The following SMARCA2 variants were observed in gnomAD, a reference collection of about 807,000 sequenced individuals.
SMARCA2 encodes the protein SWI/SNF related BAF chromatin remodeling complex subunit ATPase 2, also known as SWI/SNF-related matrix-associated actin-dependent regulator of chromatin subfamily A member 2.
A neutral mutation model predicts 199.8 loss-of-function variants in SMARCA2; 61 were observed. The ratio of observed to expected loss-of-function variants is 0.31; its 90% CI spans 0.25 to 0.38. The LOEUF is 0.38. Among genes scored for constraint, SMARCA2 ranks in the 10% least tolerant of loss-of-function variants. SMARCA2 has a pLI of 1.00. For missense variants in SMARCA2, 1,344 were observed against 2,012.2 expected (o/e 0.67, Z 6.35); for synonymous variants, 935 against 732.0 (o/e 1.28, Z -4.48).
In SMARCA2 at chr9:2,169,770, A is replaced by G. The variant is rs1826141685; in HGVS notation, c.4200-649A>G. On this transcript the variant is annotated intron_variant, in intron 28 of 33. Coordinates refer to ENST00000349721, the MANE Select transcript of SMARCA2 (RefSeq NM_003070.5). The surrounding 1 kb of genome is among the most constrained non-coding windows in gnomAD (Gnocchi z 6.5). ...GGGACACCAACCTAGCAGTTTCAAAAATCCTCAACTGAAGAGGCTTTTCTA... is the reference window on the plus strand; with the variant it reads ...GGGACACCAACCTAGCAGTTTCAAAGATCCTCAACTGAAGAGGCTTTTCTA... Among the ~76,000 whole-genome samples the G allele has an allele frequency of 6.6e-6, 1 of 152,282 alleles. No homozygotes were observed. Among genetic ancestry groups the G allele is most frequent in the South Asian group, 2.1e-4 (1 of 4,826 alleles).
At position 2,177,700 on chromosome 9, in the gene SMARCA2, G is replaced by A. The variant is rs564143464; in HGVS notation, c.4254-3871G>A. Reference sequence around the variant, plus strand: ...CCCTAGTAGCCGGGATTACAGGCATGCGCCACCACACCCAGCTAATTTTGT... The same window carrying A: ...CCCTAGTAGCCGGGATTACAGGCATACGCCACCACACCCAGCTAATTTTGT... On this transcript the variant is annotated intron_variant, in intron 29 of 33. Coordinates refer to ENST00000349721, the MANE Select transcript of SMARCA2 (RefSeq NM_003070.5). Among the ~76,000 whole-genome samples the A allele has an allele frequency of 2.6e-5, 4 of 151,956 alleles. No individual in the cohort carries two copies. In the South Asian group the frequency reaches 6.2e-4, roughly 24 times the overall value.
rs281875207 is a variant in SMARCA2, at chr9:2,086,865, C to T, written c.2563C>T (p.Arg855Ter). The change falls in exon 18 of 34, where the codon CGA (arginine) becomes TGA (stop). Residue 855 changes from arginine (R) to a stop codon, truncating the protein, a stop_gained. Coordinates refer to ENST00000349721, the MANE Select transcript of SMARCA2 (RefSeq NM_003070.5). LOFTEE classifies it high-confidence loss of function. This position sits in a 1 kb window ranked among gnomAD's most constrained non-coding sequence, Gnocchi z 4.3. ...ATACATGATAGTGGACGAAGGCCAC[C>T]GAATGAAGAATCACCACTGCAAGCT... is the stretch of plus-strand genomic sequence containing the variant. ...WKYMIVDEGH[R>*]MKNHHCKLTQ... 1.2e-6 allele frequency: 2 copies of T among 1,614,036 alleles called. No individual in the cohort carries two copies. Among genetic ancestry groups the T allele is most frequent in the East Asian group, 2.2e-5 (1 of 44,868 alleles).
In SMARCA2 at chr9:2,192,944, A is replaced by G. The variant is rs139076728; in HGVS notation, c.*205A>G. ...ACACAAATATTTGTAACATATTGTG[A>G]CCAAATGGGCCTCAAAGATTCAGAT... On this transcript the variant is annotated 3_prime_UTR_variant, in exon 34 of 34. Transcript: ENST00000349721. The G allele has an allele frequency of 2.0e-4, 102 of 522,208 alleles. No homozygotes were observed. Among genetic ancestry groups the G allele is most frequent in the African/African-American group, 1.9e-3 (97 of 51,554 alleles). The allele number at this position is 522,208 out of a possible 1,614,324, so 32.3% of individuals were successfully genotyped here. A position where few individuals can be genotyped will look rare whatever the true frequency, so the allele number is the denominator to read the frequency against.
At chr9:2,113,535 C>T (rs1171899785) in intron 24 of SMARCA2, among the ~76,000 whole-genome samples, 2 of 152,206 alleles carry the variant, frequency 1.3e-5, no homozygotes, top group African/African-American at 4.8e-5. Flanking sequence ...TTCTTTGTCA[C>T]AATATTCCCC....
chr9:2,182,827 C>T (rs1042701768), intron 31 of SMARCA2, among the ~76,000 whole-genome samples: 1 of 143,066 alleles, frequency 7.0e-6, no homozygotes, highest in African/African-American at 2.6e-5. Flanking sequence ...GAGATGGAGT[C>T]TCGCCCAGGC....
intron 19 of SMARCA2, among the ~76,000 whole-genome samples, chr9:2,093,233 G>A (rs573282833): frequency 2.0e-5 from 3 of 152,134 alleles, no homozygotes; most frequent in African/African-American, 4.8e-5. Context: ...TTTAGGACGG[G>A]GTACCCAGTA....
rs765931751 is a variant in SMARCA2, at chr9:2,104,221, A to G, written c.3292+52A>G. On this transcript the variant is annotated intron_variant, in intron 23 of 33. Transcript: ENST00000349721. The surrounding 1 kb of genome is among the most constrained non-coding windows in gnomAD (Gnocchi z 4.0). The stretch of plus-strand genomic sequence containing the variant: ...AAGCCATACTACTGAAAATGAAGGG[A>G]TAATGGGCACTTAGGTCCAATCTCA... 1 of 1,510,150 alleles carries G rather than the reference A, an allele frequency of 6.6e-7. No individual in the cohort carries two copies. The highest frequency in any genetic ancestry group is 9.1e-7 in the Non-Finnish European group (1 of 1,096,460). 93.5% of individuals were successfully genotyped at this position (1,510,150 alleles called of 1,614,324 possible). A position where few individuals can be genotyped will look rare whatever the true frequency, so the allele number is the denominator to read the frequency against.
chr9:2,151,094 G>C (rs893813545), intron 27 of SMARCA2, among the ~76,000 whole-genome samples: 1 of 151,394 alleles, frequency 6.6e-6, no homozygotes, highest in Non-Finnish European at 1.5e-5. Context: ...CACAGACTTT[G>C]GGGCTAACTT....
chr9:2,049,713 T>A (rs901619334), intron 5 of SMARCA2, among the ~76,000 whole-genome samples: 1 of 152,196 alleles, frequency 6.6e-6, no homozygotes, highest in Non-Finnish European at 1.5e-5. Context: ...TCTGCCTATT[T>A]GAAGGTAAGT....
In SMARCA2 at chr9:2,119,349, T is replaced by C. The variant is rs888698310; in HGVS notation, c.3685-109T>C. ...AAATCCAGCAACCCCTTCCCTTTTC[T>C]TTCTGCCTTGAGAAATGGGACCCCT... is the stretch of plus-strand genomic sequence containing the variant. On this transcript the variant is annotated intron_variant, in intron 25 of 33. Transcript: ENST00000349721. This position sits in a 1 kb window ranked among gnomAD's most constrained non-coding sequence, Gnocchi z 4.6. The C allele has an allele frequency of 1.1e-5, 8 of 708,104 alleles. No individual in the cohort carries two copies. Among genetic ancestry groups the C allele is most frequent in the African/African-American group, 1.8e-5 (1 of 55,600 alleles). The allele number at this position is 708,104 out of a possible 1,614,324, so 43.9% of individuals were successfully genotyped here. A position where few individuals can be genotyped will look rare whatever the true frequency, so the allele number is the denominator to read the frequency against.
intron 29 of SMARCA2, among the ~76,000 whole-genome samples, chr9:2,179,751 A>G (rs530220950): frequency 6.6e-6 from 1 of 152,324 alleles, no homozygotes; most frequent in East Asian, 1.9e-4. Flanking sequence ...ACATGACACC[A>G]TCTGTTGGCA....
intron 27 of SMARCA2, chr9:2,159,301 G>T: frequency 3.1e-6 from 1 of 326,928 alleles, no homozygotes; most frequent in Non-Finnish European, 5.6e-6. Context: ...CAGTTGTTCT[G>T]AATTTTCTTT....
At chr9:2,157,093 C>G (rs552922941) in intron 27 of SMARCA2, among the ~76,000 whole-genome samples, 2 of 152,250 alleles carry the variant, frequency 1.3e-5, no homozygotes, top group South Asian at 2.1e-4. Context: ...TGCATTAAAC[C>G]GATTAAAATA....
At chr9:2,031,961 T>C (rs1486802901) in intron 2 of SMARCA2, among the ~76,000 whole-genome samples, 4 of 152,206 alleles carry the variant, frequency 2.6e-5, no homozygotes, top group Admixed American at 6.5e-5. Flanking sequence ...TCCTCTCTAT[T>C]ATTACTATTT....
chr9:2,056,697 T>C lies in SMARCA2; in HGVS notation c.1199T>C (p.Met400Thr). 1 of 1,613,994 alleles carries C rather than the reference T, an allele frequency of 6.2e-7. No homozygotes were observed. The highest frequency in any genetic ancestry group is 8.5e-7 in the Non-Finnish European group (1 of 1,179,960). ...CTGAGACAGGAGGTGGTGGCCTGCA[T>C]GCGCAGGGACACGACCCTGGAGACG... The part of the protein sequence containing the change: ...RQLRQEVVAC[M>T]RRDTTLETAL... The change falls in exon 7 of 34, where the codon ATG becomes ACG. Residue 400 changes from methionine to threonine, a missense_variant. Around this residue, in one of 18 missense-constraint regions of SMARCA2, gnomAD observed 155 missense variants for 260.0 expected, o/e 0.60. Transcript: ENST00000349721. The surrounding 1 kb of genome is among the most constrained non-coding windows in gnomAD (Gnocchi z 4.0).
chr9:2,084,995 A>G (rs1821740197), intron 17 of SMARCA2, among the ~76,000 whole-genome samples: 1 of 152,142 alleles, frequency 6.6e-6, no homozygotes, highest in East Asian at 1.9e-4. Flanking sequence ...TTTTGAAAGC[A>G]CTATAATCTG....
intron 3 of SMARCA2, among the ~76,000 whole-genome samples, chr9:2,038,901 G>A (rs954424035): frequency 9.2e-5 from 14 of 152,046 alleles, no homozygotes; most frequent in African/African-American, 2.9e-4. Flanking sequence ...CCAAGTGTTC[G>A]CTCTTCACCT....
intron 27 of SMARCA2, among the ~76,000 whole-genome samples, chr9:2,156,698 T>TG (rs1825383137): frequency 6.6e-6 from 1 of 152,192 alleles, no homozygotes; most frequent in African/African-American, 2.4e-5. Flanking sequence ...CCCAAAGTGC[T>TG]GGGATTACAG....
In SMARCA2 at chr9:2,119,659, A is replaced by G; in HGVS notation, c.3762+124A>G. 1 of 654,536 alleles carries G rather than the reference A, an allele frequency of 1.5e-6. No homozygotes were observed. Among genetic ancestry groups the G allele is most frequent in the Admixed American group, 2.4e-5 (1 of 42,268 alleles). The allele number at this position is 654,536 out of a possible 1,614,324, so 40.5% of individuals were successfully genotyped here. A position where few individuals can be genotyped will look rare whatever the true frequency, so the allele number is the denominator to read the frequency against. ...TACGTAAAGCCTATGCCTTTCCTTC[A>G]GTTCAGAGGCTGCAAACTGGCTGGA... On this transcript the variant is annotated intron_variant, in intron 26 of 33. Transcript: ENST00000349721. The surrounding 1 kb of genome is among the most constrained non-coding windows in gnomAD (Gnocchi z 4.6).
Sources: gnomAD v4.1 joint callset for allele counts (sites outside exome capture counted in the v4.1 genomes callset) on GRCh38, gnomAD v4.1.1 for gene constraint, gnomAD v4.1.1 regional missense constraint, Gnocchi (gnomAD v3.1) non-coding constraint, MANE v1.5 for transcripts, NCBI Gene and HGNC (gene_info 2026-07-23, HGNC 2026-07-21) for gene names.